Variants in ERBB4 observed in about 807,000 individuals in gnomAD.
ERBB4 encodes the protein receptor tyrosine-protein kinase erbB-4.
Under a neutral mutation model 158.0 loss-of-function variants are expected in ERBB4, and 42 were observed. The observed-to-expected ratio is 0.27, with a 90% CI of 0.21 to 0.34. The LOEUF (loss-of-function observed/expected upper bound fraction) is 0.34. ERBB4 is among the 10% of genes least tolerant of loss of function. The pLI, the probability that ERBB4 is intolerant of heterozygous loss-of-function variation, is 1.00. For missense variants in ERBB4, 1,333 were observed against 1,624.1 expected (o/e 0.82, Z 3.08); for synonymous variants, 583 against 558.7 (o/e 1.04, Z -0.61).
intron 3 of ERBB4, among the ~76,000 whole-genome samples, chr2:211,901,406 T>G (rs1262269816): frequency 6.6e-6 from 1 of 152,194 alleles, no homozygotes; most frequent in East Asian, 1.9e-4. Context: ...TTACACTGTG[T>G]GTGGGCGCTG....
At chr2:212,127,399 T>C (rs1575671890) in intron 1 of ERBB4, among the ~76,000 whole-genome samples, 2 of 152,300 alleles carry the variant, frequency 1.3e-5, no homozygotes, top group African/African-American at 4.8e-5. Context: ...GAGACCATCC[T>C]GGTCAACACA....
intron 5 of ERBB4, among the ~76,000 whole-genome samples, chr2:211,749,779 T>C (rs1327460070): frequency 1.3e-5 from 2 of 152,198 alleles, no homozygotes; most frequent in Admixed American, 1.3e-4. Context: ...AATATTTGTA[T>C]GTTTGAATCT....
At chr2:212,338,624 A>T (rs2088560919) in intron 1 of ERBB4, among the ~76,000 whole-genome samples, 1 of 152,178 alleles carries the variant, frequency 6.6e-6, no homozygotes, top group Admixed American at 6.6e-5. Context: ...ATTTTTCTAG[A>T]TATACCTACA....
intron 20 of ERBB4, among the ~76,000 whole-genome samples, chr2:211,486,009 T>C (rs1295727015): frequency 6.6e-6 from 1 of 152,180 alleles, no homozygotes; most frequent in Non-Finnish European, 1.5e-5. Flanking sequence ...GTTGTTTTTA[T>C]ATTTATGTTT....
intron 1 of ERBB4, among the ~76,000 whole-genome samples, chr2:212,526,814 T>C (rs946905081): frequency 9.2e-5 from 14 of 152,090 alleles, no homozygotes. Context: ...GGATGTTAAT[T>C]GTCTCCCCAC....
intron 1 of ERBB4, among the ~76,000 whole-genome samples, chr2:212,284,935 G>A (rs903977522): frequency 2.0e-5 from 3 of 152,076 alleles, no homozygotes; most frequent in African/African-American, 7.2e-5. Flanking sequence ...AGAGAGGTAA[G>A]ACATAGCATC....
intron 1 of ERBB4, among the ~76,000 whole-genome samples, chr2:212,413,134 ATTTTTTTTTTT>A: frequency 9.9e-6 from 1 of 101,214 alleles, no homozygotes; most frequent in African/African-American, 4.0e-5. Context: ...TGCGTGGCTA[ATTTTTTTTTTT>A]TTTTTTTTTT....
At chr2:212,025,732 C>T (rs1212992268) in intron 2 of ERBB4, among the ~76,000 whole-genome samples, 2 of 151,778 alleles carry the variant, frequency 1.3e-5, no homozygotes, top group Non-Finnish European at 3.0e-5. Context: ...AGTAAATCTA[C>T]TCATACTCCT....
At chr2:212,292,551 A>G (rs76177519) in intron 1 of ERBB4, among the ~76,000 whole-genome samples, 2,036 of 152,158 alleles carry the variant, frequency 0.013, 46 homozygotes, top group African/African-American at 0.046. Context: ...AAATTAGTTT[A>G]GATCTAAAAT....
chr2:212,298,396 A>G (rs1385176003), intron 1 of ERBB4, among the ~76,000 whole-genome samples: 1 of 151,804 alleles, frequency 6.6e-6, no homozygotes, highest in African/African-American at 2.4e-5. Flanking sequence ...GTTAGGAATT[A>G]AAAAACAATA....
chr2:212,430,304 T>G (rs1454190245), intron 1 of ERBB4, among the ~76,000 whole-genome samples: 1 of 152,194 alleles, frequency 6.6e-6, no homozygotes, highest in African/African-American at 2.4e-5. Flanking sequence ...ATATCAAACA[T>G]CTTATTTAAG....
At position 212,126,305 on chromosome 2, in the gene ERBB4, C is replaced by T. The variant is rs147068924; in HGVS notation, c.83-1402G>A. ...AGAAACCCTGTCTCTACCAAAAATA[C>T]AAAAATTAGCTGGGCGTGGTAGCTC... On this transcript the variant is annotated intron_variant, in intron 1 of 27. Transcript: ENST00000342788. Among the ~76,000 whole-genome samples, 1,061 of 151,780 alleles carry T rather than the reference C, an allele frequency of 7.0e-3. 7 individuals are homozygous for T. Among genetic ancestry groups the T allele is most frequent in the Middle Eastern group, 0.024 (7 of 294 alleles).
At chr2:212,150,786 G>A (rs2080841233) in intron 1 of ERBB4, among the ~76,000 whole-genome samples, 1 of 152,126 alleles carries the variant, frequency 6.6e-6, no homozygotes, top group African/African-American at 2.4e-5. Flanking sequence ...TTATCATGCA[G>A]TAGAATAACA....
At chr2:212,452,011 T>G (rs1409278102) in intron 1 of ERBB4, among the ~76,000 whole-genome samples, 67 of 127,176 alleles carry the variant, frequency 5.3e-4, no homozygotes, top group Middle Eastern at 4.6e-3. Context: ...GTGTGCAGGT[T>G]TTTTTTTTTT....
chr2:212,163,869 T>C (rs940522307), intron 1 of ERBB4, among the ~76,000 whole-genome samples: 2 of 152,102 alleles, frequency 1.3e-5, no homozygotes, highest in Non-Finnish European at 2.9e-5. Context: ...CACAGCTCAC[T>C]GCAGCCTCAA....
intron 3 of ERBB4, among the ~76,000 whole-genome samples, chr2:211,810,375 T>C (rs1026326762): frequency 6.6e-6 from 1 of 152,212 alleles, no homozygotes; most frequent in Non-Finnish European, 1.5e-5. Context: ...TGGGTAATCC[T>C]GTATTGGGTG....
At chr2:211,430,151 TAATA>T (rs1486609508) in intron 21 of ERBB4, among the ~76,000 whole-genome samples, 1 of 152,166 alleles carries the variant, frequency 6.6e-6, no homozygotes, top group African/African-American at 2.4e-5. Context: ...ATAAGGCATA[TAATA>T]AATATATTTA....
intron 2 of ERBB4, among the ~76,000 whole-genome samples, chr2:212,020,172 T>C (rs945617075): frequency 6.6e-6 from 1 of 152,194 alleles, no homozygotes; most frequent in Admixed American, 6.5e-5. Flanking sequence ...CATGTTCTTT[T>C]ATTAAAGCAA....
chr2:212,106,913 T>C (rs1157498368), intron 2 of ERBB4, among the ~76,000 whole-genome samples: 1 of 152,162 alleles, frequency 6.6e-6, no homozygotes, highest in Non-Finnish European at 1.5e-5. Flanking sequence ...GAAGTCAAGA[T>C]TTGAGGTTTG....
Sources: gnomAD v4.1 joint callset for allele counts (sites outside exome capture counted in the v4.1 genomes callset) on GRCh38, gnomAD v4.1.1 for gene constraint, MANE v1.5 for transcripts, NCBI Gene and HGNC (gene_info 2026-07-23, HGNC 2026-07-21) for gene names.